Variants in COL8A2 observed in about 807,000 individuals in gnomAD.
COL8A2 encodes the protein collagen type VIII alpha 2 chain.
COL8A2 carries 16 observed loss-of-function variants against 24.0 expected under a neutral mutation model. The ratio of observed to expected loss-of-function variants is 0.67; its 90% CI spans 0.45 to 1.01. COL8A2 has a LOEUF of 1.01. Ranked by LOEUF, COL8A2 falls within the 50% of genes least tolerant of loss-of-function variation. COL8A2 has a pLI of 0.00. For missense variants in COL8A2, 818 were observed against 942.4 expected, an observed-to-expected ratio of 0.87 and a Z score of 1.73; for synonymous variants, 466 against 424.5, an observed-to-expected ratio of 1.10 and a Z score of -1.20.
chr1:36,122,469 C>T (rs1188001011), intron 1 of COL8A2, among the ~76,000 whole-genome samples: 2 of 152,162 alleles, frequency 1.3e-5, no homozygotes, highest in Non-Finnish European at 2.9e-5. Context: ...GCCTCGCAAA[C>T]CCACCCAGGC....
intron 1 of COL8A2, among the ~76,000 whole-genome samples, chr1:36,119,474 C>T (rs1643894859): frequency 6.6e-6 from 1 of 152,126 alleles, no homozygotes; most frequent in Admixed American, 6.5e-5. Flanking sequence ...AGGTCAGTCC[C>T]CCGCACCCCC....
intron 2 of COL8A2, among the ~76,000 whole-genome samples, chr1:36,107,059 G>C (rs536773463): frequency 6.6e-6 from 1 of 152,134 alleles, no homozygotes; most frequent in Non-Finnish European, 1.5e-5. Context: ...TGGGCAAGAG[G>C]TGCTAGTTCA....
chr1:36,097,393 T>G lies in COL8A2; in HGVS notation c.*176A>C. The G allele has an allele frequency of 1.6e-6, 1 of 632,042 alleles. No homozygotes were observed. The highest frequency in any genetic ancestry group is 2.6e-5 in the East Asian group (1 of 37,940). The allele number at this position is 632,042 out of a possible 1,614,324, so 39.2% of individuals were successfully genotyped here. A position where few individuals can be genotyped will look rare whatever the true frequency, so the allele number is the denominator to read the frequency against. On this transcript the variant is annotated 3_prime_UTR_variant, in exon 4 of 4. Coordinates refer to ENST00000397799, the MANE Select transcript of COL8A2 (RefSeq NM_005202.4). ...GGGGAAAGAAACTCAGGCCAGCCCC[T>G]TCCAGAAACAATCTCAGCCTGCATG...
At position 36,097,479 on chromosome 1, in the gene COL8A2, GT is replaced by G. The variant is rs200695648; in HGVS notation, c.*89del. On this transcript the variant is annotated 3_prime_UTR_variant, in exon 4 of 4. Coordinates refer to ENST00000397799, the MANE Select transcript of COL8A2 (RefSeq NM_005202.4). Reference sequence around the variant, plus strand: ...CCACGGCCGCCTCTGTTCAGCTTTTGTTTTTTTTTCCAGGAGGTTCTTTGTA... The same window carrying G: ...CCACGGCCGCCTCTGTTCAGCTTTTGTTTTTTTTCCAGGAGGTTCTTTGTA... 83 of 1,110,756 alleles carry G rather than the reference GT, an allele frequency of 7.5e-5. No homozygotes were observed. The highest frequency in any genetic ancestry group is 1.9e-4 in the African/African-American group (12 of 63,330). The allele number at this position is 1,110,756 out of a possible 1,614,324, so 68.8% of individuals were successfully genotyped here.
chr1:36,097,407 T>C lies in COL8A2; in HGVS notation c.*162A>G. Reference sequence around the variant, plus strand: ...AGGCCAGCCCCTTCCAGAAACAATCTCAGCCTGCATGCAGGGAGAAAGCAA... The same window carrying C: ...AGGCCAGCCCCTTCCAGAAACAATCCCAGCCTGCATGCAGGGAGAAAGCAA... On this transcript the variant is annotated 3_prime_UTR_variant, in exon 4 of 4. Transcript: ENST00000397799. 3.0e-6 allele frequency: 2 copies of C among 657,402 alleles called. No homozygotes were observed. The highest frequency in any genetic ancestry group is 2.5e-5 in the East Asian group (1 of 39,282). 40.7% of individuals were successfully genotyped at this position (657,402 alleles called of 1,614,324 possible). A position where few individuals can be genotyped will look rare whatever the true frequency, so the allele number is the denominator to read the frequency against.
chr1:36,119,111 T>G (rs1297423868), intron 1 of COL8A2, among the ~76,000 whole-genome samples: 1 of 152,134 alleles, frequency 6.6e-6, no homozygotes, highest in African/African-American at 2.4e-5. Flanking sequence ...GTCACATCCA[T>G]TCTCCAAGGT....
intron 1 of COL8A2, among the ~76,000 whole-genome samples, chr1:36,124,242 C>T (rs1055911846): frequency 6.6e-6 from 1 of 152,210 alleles, no homozygotes; most frequent in African/African-American, 2.4e-5. Context: ...CACACAGGCA[C>T]ACACACGTGC....
rs528601382 is a variant in COL8A2 at position 36,102,415 on chromosome 1, C to T, written c.-16-2157G>A. On this transcript the variant is annotated intron_variant, in intron 2 of 3. Coordinates refer to ENST00000397799, the MANE Select transcript of COL8A2 (RefSeq NM_005202.4). ...TCCCGGGCTCAAGTAATCCTCCCACCTCAGCCTCCCAAGTAGCTGGGACCA... is the reference window on the plus strand; with the variant it reads ...TCCCGGGCTCAAGTAATCCTCCCACTTCAGCCTCCCAAGTAGCTGGGACCA... Among the ~76,000 whole-genome samples, 23 of 152,158 alleles carry T rather than the reference C, an allele frequency of 1.5e-4. 1 individual carries two copies. In the South Asian group the frequency reaches 4.6e-3, roughly 30 times the overall value.
In COL8A2 at chr1:36,100,151, C is replaced by T; in HGVS notation, c.92G>A (p.Gly31Glu). The T allele has an allele frequency of 6.2e-7, 1 of 1,612,572 alleles. No individual in the cohort carries two copies. Among genetic ancestry groups the T allele is most frequent in the Non-Finnish European group, 8.5e-7 (1 of 1,179,534 alleles). The change falls in exon 3 of 4, where the codon GGG becomes GAG. Residue 31 changes from glycine to glutamate, a missense_variant. Gly to Glu is a moderately conservative substitution (Grantham distance 98). Transcript: ENST00000397799. ...GGCATAGCCCGCCGCCCCACCGGCC[C>T]CGCCACCAGAGGACGCCCGCGGCCC... ...GCGPRASSGG[G>E]AGGAAGYAPV...
chr1:36,103,837 G>C (rs961607325), intron 2 of COL8A2, among the ~76,000 whole-genome samples: 1 of 151,950 alleles, frequency 6.6e-6, no homozygotes, highest in Non-Finnish European at 1.5e-5. Context: ...ACCCGTCTCA[G>C]CCTCCCAAAG....
At position 36,100,255 on chromosome 1, in the gene COL8A2, C is replaced by T. The variant is rs776508558; in HGVS notation, c.-13G>A. The T allele has an allele frequency of 2.1e-5, 32 of 1,545,148 alleles. No homozygotes were observed. The highest frequency in any genetic ancestry group is 5.9e-5 in the Admixed American group (3 of 51,168). On this transcript the variant is annotated 5_prime_UTR_variant, in exon 3 of 4. Transcript: ENST00000397799. ...GAGTCCCCAGCATGGCGTCCGTGGA[C>T]GTGCTGCAAAGAAGAACAGAGAAAG...
intron 2 of COL8A2, among the ~76,000 whole-genome samples, chr1:36,113,837 A>G (rs1460534544): frequency 6.6e-6 from 1 of 152,214 alleles, no homozygotes; most frequent in East Asian, 1.9e-4. Flanking sequence ...CAGAAGTAGC[A>G]TCGGAAGGAG....
intron 1 of COL8A2, among the ~76,000 whole-genome samples, chr1:36,117,381 G>T (rs1643884517): frequency 6.6e-6 from 1 of 152,202 alleles, no homozygotes; most frequent in East Asian, 1.9e-4. Context: ...ACTTAAGCTG[G>T]CTCTGGGCTT....
At position 36,115,173 on chromosome 1, in the gene COL8A2, G is replaced by A. The variant is rs1390629550; in HGVS notation, c.-17+535C>T. Among the ~76,000 whole-genome samples, 1 of 152,170 alleles carries A rather than the reference G, an allele frequency of 6.6e-6. No homozygotes were observed. The highest frequency in any genetic ancestry group is 1.5e-5 in the Non-Finnish European group (1 of 68,026). ...AGCAGAGGCCTTGAGCTTCTGATGG[G>A]AACTGGACATCCGAGGGCCCCTACA... On this transcript the variant is annotated intron_variant, in intron 2 of 3. Coordinates refer to ENST00000397799, the MANE Select transcript of COL8A2 (RefSeq NM_005202.4). This position sits in a 1 kb window ranked among gnomAD's most constrained non-coding sequence, Gnocchi z 5.7.
chr1:36,112,010 T>C (rs868469486), intron 2 of COL8A2, among the ~76,000 whole-genome samples: 2 of 152,112 alleles, frequency 1.3e-5, no homozygotes, highest in Non-Finnish European at 2.9e-5. Context: ...TTAATTTGTT[T>C]ATTTATTTTT....
At chr1:36,102,909 G>C (rs1012574333) in intron 2 of COL8A2, among the ~76,000 whole-genome samples, 7 of 152,062 alleles carry the variant, frequency 4.6e-5, no homozygotes, top group African/African-American at 1.7e-4. Flanking sequence ...CTGACCTCTA[G>C]CGATCCGCCT....
intron 2 of COL8A2, among the ~76,000 whole-genome samples, chr1:36,104,185 ACTC>A (rs35319122): frequency 0.64 from 95,824 of 150,518 alleles, 33,152 homozygotes; most frequent in Non-Finnish European, 0.8. Flanking sequence ...CAAGAGCAAA[ACTC>A]CACCTCAAAA....
intron 2 of COL8A2, among the ~76,000 whole-genome samples, chr1:36,101,184 G>T (rs886536913): frequency 7.2e-5 from 11 of 151,978 alleles, no homozygotes; most frequent in Admixed American, 7.2e-4. Context: ...ATGAGCCACC[G>T]CGCCCGGCCT....
chr1:36,111,818 G>A (rs2124097892), intron 2 of COL8A2, among the ~76,000 whole-genome samples: 1 of 151,996 alleles, frequency 6.6e-6, no homozygotes, highest in East Asian at 1.9e-4. Context: ...TCCCAACTGA[G>A]CCTCAGACTC....
Sources: allele counts gnomAD v4.1 joint callset (sites outside exome capture counted in the v4.1 genomes callset), GRCh38; gene constraint gnomAD v4.1.1; non-coding constraint Gnocchi (gnomAD v3.1); transcripts MANE v1.5; gene names NCBI Gene and HGNC (gene_info 2026-07-23, HGNC 2026-07-21).